The following SDK1 variants were observed in gnomAD, a reference collection of about 807,000 sequenced individuals.
The protein encoded by SDK1 is sidekick cell adhesion molecule 1, also known as protein sidekick-1.
Under a neutral mutation model 245.5 loss-of-function variants are expected in SDK1, and 157 were observed. That is an observed-to-expected ratio of 0.64 (90% CI 0.56 to 0.73). The LOEUF (loss-of-function observed/expected upper bound fraction) is 0.73, where lower values mean the gene tolerates loss of function less well. Among genes scored for constraint, SDK1 ranks in the 30% least tolerant of loss-of-function variants. The pLI is 0.00. For missense variants in SDK1, 3,583 were observed against 3,002.3 expected (o/e 1.19, Z -4.52); for synonymous variants, 1,647 against 1,278.5 (o/e 1.29, Z -6.15).
intron 1 of SDK1, among the ~76,000 whole-genome samples, chr7:3,576,787 C>G (rs934775721): frequency 2.6e-5 from 4 of 151,952 alleles, no homozygotes; most frequent in African/African-American, 9.7e-5. Context: ...GTTCCTGATG[C>G]TTCCTTGATT....
At chr7:3,774,703 C>T (rs1317940279) in intron 4 of SDK1, among the ~76,000 whole-genome samples, 1 of 152,134 alleles carries the variant, frequency 6.6e-6, no homozygotes, top group Non-Finnish European at 1.5e-5. Context: ...GAATCATCCT[C>T]TGTATCATTT....
At chr7:3,411,516 T>C (rs991933457) in intron 1 of SDK1, among the ~76,000 whole-genome samples, 2 of 152,204 alleles carry the variant, frequency 1.3e-5, no homozygotes. Flanking sequence ...AGTATTCTGG[T>C]AGCAGCACTG....
chr7:4,261,494 G>T (rs916402330), intron 44 of SDK1, among the ~76,000 whole-genome samples: 2 of 152,134 alleles, frequency 1.3e-5, no homozygotes, highest in Admixed American at 1.3e-4. Flanking sequence ...AGCTGCTGTG[G>T]CTGGCAATGG....
chr7:3,535,447 C>T (rs776773453), intron 1 of SDK1, among the ~76,000 whole-genome samples: 2 of 152,124 alleles, frequency 1.3e-5, no homozygotes, highest in South Asian at 4.1e-4. Flanking sequence ...TTACTTTGCA[C>T]CATATGGCTG....
At chr7:3,335,058 C>G (rs374709014) in intron 1 of SDK1, among the ~76,000 whole-genome samples, 1 of 152,124 alleles carries the variant, frequency 6.6e-6, no homozygotes, top group Non-Finnish European at 1.5e-5. Flanking sequence ...TACCCTGAAA[C>G]CAGTCACTTA....
chr7:3,600,551 G>GTTTTTTGTT (rs1781222026), intron 1 of SDK1, among the ~76,000 whole-genome samples: 1 of 109,054 alleles, frequency 9.2e-6, no homozygotes, highest in Non-Finnish European at 1.9e-5. Flanking sequence ...ATTAGATGTA[G>GTTTTTTGTT]TTTTTTTTTT....
intron 1 of SDK1, among the ~76,000 whole-genome samples, chr7:3,582,683 T>TAAAAAAAAAAAAAAAAAAAAAAAAAAAA (rs71029682): frequency 4.3e-5 from 3 of 69,672 alleles, no homozygotes; most frequent in Non-Finnish European, 5.3e-5. Context: ...TAAACTAAAG[T>TAAAAAAAAAAAAAAAAAAAAAAAAAAAA]AAAAAAAAAA....
chr7:3,573,517 AAAC>A (rs1216317531), intron 1 of SDK1, among the ~76,000 whole-genome samples: 21 of 152,206 alleles, frequency 1.4e-4, no homozygotes, highest in African/African-American at 5.1e-4. Flanking sequence ...GCCCCCTGAG[AAAC>A]AACAGCCTCC....
chr7:3,618,971 A>G, intron 1 of SDK1, 109 bp from the exon 2 acceptor site: 4 of 876,396 alleles, frequency 4.6e-6, no homozygotes, highest in Non-Finnish European at 6.8e-6. Flanking sequence ...AACAGCCATC[A>G]CTTTCATTTT....
At chr7:3,463,865 GCTT>G (rs1320432219) in intron 1 of SDK1, among the ~76,000 whole-genome samples, 2 of 152,146 alleles carry the variant, frequency 1.3e-5, no homozygotes, top group Admixed American at 6.5e-5. Flanking sequence ...ACCTGAATTG[GCTT>G]CTTGGACACA....
At chr7:3,387,320 C>T (rs1562455990) in intron 1 of SDK1, among the ~76,000 whole-genome samples, 1 of 152,210 alleles carries the variant, frequency 6.6e-6, no homozygotes, top group East Asian at 1.9e-4. Context: ...CCCTGAATTC[C>T]TTTAGAGATT....
intron 4 of SDK1, among the ~76,000 whole-genome samples, chr7:3,785,886 C>T (rs534293408): frequency 6.6e-6 from 1 of 152,106 alleles, no homozygotes; most frequent in African/African-American, 2.4e-5. Flanking sequence ...TCTTTTTTCC[C>T]CTATGCAAAA....
At chr7:3,784,150 G>T (rs1442735399) in intron 4 of SDK1, among the ~76,000 whole-genome samples, 3 of 151,018 alleles carry the variant, frequency 2.0e-5, no homozygotes, top group East Asian at 2.0e-4. Context: ...CAAACTCCTG[G>T]CCTGAAATGA....
intron 1 of SDK1, among the ~76,000 whole-genome samples, chr7:3,419,354 T>A (rs1302227312): frequency 6.6e-6 from 1 of 152,176 alleles, no homozygotes. Context: ...AGTCAGTAAT[T>A]AGGATCCACT....
At chr7:3,458,064 G>C (rs1309358996) in intron 1 of SDK1, among the ~76,000 whole-genome samples, 1 of 152,080 alleles carries the variant, frequency 6.6e-6, no homozygotes, top group Non-Finnish European at 1.5e-5. Context: ...GTGACACTTG[G>C]ATTCTTTTTT....
At chr7:3,886,155 G>C (rs986840278) in intron 5 of SDK1, among the ~76,000 whole-genome samples, 1 of 152,202 alleles carries the variant, frequency 6.6e-6, no homozygotes, top group East Asian at 1.9e-4. Flanking sequence ...GTTATCCTAC[G>C]TCAGGGATGA....
intron 1 of SDK1, among the ~76,000 whole-genome samples, chr7:3,366,492 C>T (rs1307912039): frequency 6.6e-6 from 1 of 151,994 alleles, no homozygotes; most frequent in African/African-American, 2.4e-5. Flanking sequence ...CAGAATTCCC[C>T]TTTATGGGGA....
intron 5 of SDK1, among the ~76,000 whole-genome samples, chr7:3,867,485 C>T (rs180824381): frequency 2.2e-4 from 33 of 152,174 alleles, no homozygotes; most frequent in African/African-American, 4.8e-4. Flanking sequence ...ATGGCTGGGG[C>T]GGCCTCACAA....
intron 14 of SDK1, among the ~76,000 whole-genome samples, chr7:3,989,318 G>A (rs528215115): frequency 2.6e-5 from 4 of 152,272 alleles, no homozygotes; most frequent in South Asian, 4.1e-4. Flanking sequence ...CTCAGACCTC[G>A]TGAGACTTGC....
Sources: allele counts gnomAD v4.1 joint callset (sites outside exome capture counted in the v4.1 genomes callset), GRCh38; gene constraint gnomAD v4.1.1; transcripts MANE v1.5; gene names NCBI Gene and HGNC (gene_info 2026-07-23, HGNC 2026-07-21).